Variants in B3GALT1 observed in about 807,000 individuals in gnomAD.
The protein encoded by B3GALT1 is beta-1,3-galactosyltransferase 1, also known as UDP-Gal:betaGlcNAc beta 1,3-galactosyltransferase, polypeptide 1.
A neutral mutation model predicts 23.2 loss-of-function variants in B3GALT1; 10 were observed. The ratio of observed to expected loss-of-function variants is 0.43; its 90% CI spans 0.27 to 0.73. B3GALT1 has a LOEUF of 0.73. B3GALT1 is among the 30% of genes least tolerant of loss of function. The pLI is 0.21. For missense variants in B3GALT1, 299 were observed against 405.4 expected, an observed-to-expected ratio of 0.74 and a Z score of 2.25; for synonymous variants, 156 against 141.5, an observed-to-expected ratio of 1.10 and a Z score of -0.73.
chr2:167,865,910 G>T (rs1690206827), intron 4 of B3GALT1, among the ~76,000 whole-genome samples: 1 of 152,170 alleles, frequency 6.6e-6, no homozygotes, highest in African/African-American at 2.4e-5. Context: ...TAGCTACTCA[G>T]CTCAGGACGG....
At chr2:167,776,524 C>T (rs1198139008) in intron 3 of B3GALT1, among the ~76,000 whole-genome samples, 1 of 152,138 alleles carries the variant, frequency 6.6e-6, no homozygotes, top group African/African-American at 2.4e-5. Context: ...GAGTGCCGAC[C>T]CATGGCAGGC....
At chr2:167,634,313 T>A (rs1685510654) in intron 2 of B3GALT1, among the ~76,000 whole-genome samples, 2 of 151,820 alleles carry the variant, frequency 1.3e-5, no homozygotes, top group South Asian at 4.2e-4. Flanking sequence ...AGCAAACACA[T>A]TCAAAAGCTA....
intron 3 of B3GALT1, among the ~76,000 whole-genome samples, chr2:167,699,100 T>C (rs751779242): frequency 6.6e-6 from 1 of 152,186 alleles, no homozygotes; most frequent in Non-Finnish European, 1.5e-5. Context: ...AAAAGGGAAT[T>C]TCTAACTTTT....
At chr2:167,763,191 G>GT (rs1390215691) in intron 3 of B3GALT1, among the ~76,000 whole-genome samples, 1 of 152,050 alleles carries the variant, frequency 6.6e-6, no homozygotes, top group East Asian at 1.9e-4. Context: ...GTTATACTAG[G>GT]TATCTGAAAT....
chr2:167,846,241 A>C (rs903477443), intron 4 of B3GALT1, among the ~76,000 whole-genome samples: 2 of 152,174 alleles, frequency 1.3e-5, no homozygotes, highest in African/African-American at 4.8e-5. Context: ...AAATACAAGA[A>C]GCAAAGAACT....
chr2:167,400,186 G>GTGTGTGTGTGTGTC (rs1487329750), intron 1 of B3GALT1, among the ~76,000 whole-genome samples: 2 of 151,484 alleles, frequency 1.3e-5, no homozygotes, highest in Non-Finnish European at 1.5e-5. Flanking sequence ...GTGTGTGTGT[G>GTGTGTGTGTGTGTC]TGTGTGTCTG....
chr2:167,870,510 C>G lies in B3GALT1; in HGVS notation c.*490C>G, dbSNP rs1004452984. ...TACATATATTCCCATGTAATGTGTA[C>G]AGTCTTTGCAGTTCCACCAAGAAAT... On this transcript the variant is annotated 3_prime_UTR_variant, in exon 5 of 5. Coordinates refer to ENST00000392690, the MANE Select transcript of B3GALT1 (RefSeq NM_020981.4). 6.0e-6 allele frequency: 1 copy of G among 167,490 alleles called. No homozygotes were observed. Among genetic ancestry groups the G allele is most frequent in the Non-Finnish European group, 1.5e-5 (1 of 68,484 alleles). 10.4% of individuals were successfully genotyped at this position (167,490 alleles called of 1,614,324 possible).
intron 1 of B3GALT1, among the ~76,000 whole-genome samples, chr2:167,483,785 T>C (rs1699589088): frequency 1.3e-5 from 2 of 152,218 alleles, no homozygotes; most frequent in South Asian, 2.1e-4. Flanking sequence ...ATGTTAAATA[T>C]ATGTTAAATA....
At chr2:167,535,581 GA>G (rs536304050) in intron 2 of B3GALT1, among the ~76,000 whole-genome samples, 122 of 138,138 alleles carry the variant, frequency 8.8e-4, no homozygotes, top group South Asian at 2.3e-3. Context: ...AAGACAAAAA[GA>G]AAAAAAAAAA....
chr2:167,296,942 C>T (rs182100261), intron 1 of B3GALT1, among the ~76,000 whole-genome samples: 1 of 152,082 alleles, frequency 6.6e-6, no homozygotes, highest in African/African-American at 2.4e-5. Context: ...ATCTCATTTT[C>T]TCTTGAACTT....
chr2:167,746,842 T>C (rs986641555), intron 3 of B3GALT1, among the ~76,000 whole-genome samples: 1 of 152,222 alleles, frequency 6.6e-6, no homozygotes, highest in Admixed American at 6.5e-5. Context: ...CAATCTGTTT[T>C]TTCATTTTAT....
At chr2:167,434,816 G>A (rs79146875) in intron 1 of B3GALT1, among the ~76,000 whole-genome samples, 15,440 of 148,472 alleles carry the variant, frequency 0.1, 948 homozygotes, top group African/African-American at 0.18. Flanking sequence ...TAGTTAACTC[G>A]TCATTTATTT....
chr2:167,555,519 T>G (rs1467434109), intron 2 of B3GALT1, among the ~76,000 whole-genome samples: 2 of 152,196 alleles, frequency 1.3e-5, no homozygotes, highest in African/African-American at 4.8e-5. Flanking sequence ...GGAGCTATCT[T>G]TTTGCTTACA....
chr2:167,838,707 G>A (rs1167226392), intron 4 of B3GALT1, among the ~76,000 whole-genome samples: 15 of 152,370 alleles, frequency 9.8e-5, no homozygotes, highest in African/African-American at 1.7e-4. Flanking sequence ...TACCAAAGCC[G>A]GCCAGAGACA....
chr2:167,492,479 A>G (rs1699724163), intron 2 of B3GALT1, among the ~76,000 whole-genome samples: 1 of 152,182 alleles, frequency 6.6e-6, no homozygotes. Context: ...TTTTCAACTC[A>G]TTTAGGTATA....
intron 1 of B3GALT1, among the ~76,000 whole-genome samples, chr2:167,354,848 C>T (rs570702058): frequency 2.6e-5 from 4 of 152,306 alleles, no homozygotes; most frequent in South Asian, 2.1e-4. Context: ...TGTCTTCCTG[C>T]GCAGTCTAAT....
At chr2:167,732,577 T>C (rs1450223377) in intron 3 of B3GALT1, among the ~76,000 whole-genome samples, 1 of 152,186 alleles carries the variant, frequency 6.6e-6, no homozygotes, top group Non-Finnish European at 1.5e-5. Flanking sequence ...CATTGTGAGT[T>C]CCCACTCTCT....
chr2:167,770,988 G>A (rs185149420), intron 3 of B3GALT1, among the ~76,000 whole-genome samples: 192 of 152,302 alleles, frequency 1.3e-3, no homozygotes, highest in South Asian at 2.7e-3. Flanking sequence ...TCCTCTTGGA[G>A]AAGCTAACTT....
chr2:167,411,007 A>G (rs1315332653), intron 1 of B3GALT1, among the ~76,000 whole-genome samples: 1 of 152,124 alleles, frequency 6.6e-6, no homozygotes, highest in Non-Finnish European at 1.5e-5. Context: ...ATAATTTTAT[A>G]AAGATACCCA....
Sources: allele counts gnomAD v4.1 joint callset (sites outside exome capture counted in the v4.1 genomes callset), GRCh38; gene constraint gnomAD v4.1.1; transcripts MANE v1.5; gene names NCBI Gene and HGNC (gene_info 2026-07-23, HGNC 2026-07-21).